The following ANKRD17 variants were observed in gnomAD, a reference collection of about 807,000 sequenced individuals.
ANKRD17 encodes the protein ankyrin repeat domain 17.
Under a neutral mutation model 229.7 loss-of-function variants are expected in ANKRD17, and 19 were observed. The ratio of observed to expected loss-of-function variants is 0.08; its 90% CI spans 0.06 to 0.12. ANKRD17 has a LOEUF of 0.12. Ranked by LOEUF, ANKRD17 falls within the 10% of genes least tolerant of loss-of-function variation. ANKRD17 has a pLI of 1.00. For missense variants in ANKRD17, 2,176 were observed against 3,176.8 expected (o/e 0.68, Z 7.57); for synonymous variants, 1,112 against 1,146.1 (o/e 0.97, Z 0.60).
intron 24 of ANKRD17, among the ~76,000 whole-genome samples, chr4:73,105,259 C>T (rs949607665): frequency 6.6e-6 from 1 of 151,656 alleles, no homozygotes; most frequent in African/African-American, 2.4e-5. Context: ...AGTTTGCAGG[C>T]GGTAGCTGAA....
chr4:73,231,191 T>C (rs1439122086), intron 1 of ANKRD17, among the ~76,000 whole-genome samples: 1 of 152,108 alleles, frequency 6.6e-6, no homozygotes, highest in Non-Finnish European at 1.5e-5. Context: ...GATAAAAATT[T>C]AAATTACAAG....
At chr4:73,235,517 G>C (rs1194777005) in intron 1 of ANKRD17, among the ~76,000 whole-genome samples, 1 of 152,138 alleles carries the variant, frequency 6.6e-6, no homozygotes, top group African/African-American at 2.4e-5. Context: ...AATAACATCT[G>C]TTCCCGCTTT....
intron 1 of ANKRD17, among the ~76,000 whole-genome samples, chr4:73,197,232 C>A (rs545305456): frequency 3.9e-5 from 6 of 152,156 alleles, no homozygotes; most frequent in Non-Finnish European, 7.4e-5. Flanking sequence ...TATATTCCTA[C>A]AGCCATATAG....
chr4:73,155,556 C>G, intron 5 of ANKRD17, 75 bp downstream of exon 5: 1 of 1,555,758 alleles, frequency 6.4e-7, no homozygotes, highest in Non-Finnish European at 8.8e-7. Flanking sequence ...TAGCACTAAA[C>G]ATCACTTTCA....
chr4:73,148,507 C>A (rs765800750), intron 8 of ANKRD17, among the ~76,000 whole-genome samples: 2 of 152,304 alleles, frequency 1.3e-5, no homozygotes, highest in Non-Finnish European at 2.9e-5. Context: ...TTCTCTTGAT[C>A]TATTACCTTT....
intron 2 of ANKRD17, among the ~76,000 whole-genome samples, chr4:73,166,042 TA>T (rs1414578977): frequency 6.6e-6 from 1 of 152,170 alleles, no homozygotes; most frequent in Non-Finnish European, 1.5e-5. Context: ...CACAGAAATT[TA>T]AGAGATAATA....
chr4:73,151,605 T>A, intron 6 of ANKRD17, 81 bp from the exon 7 acceptor site: 1 of 1,092,116 alleles, frequency 9.2e-7, no homozygotes, highest in Non-Finnish European at 1.3e-6. Flanking sequence ...TTTTGAAAAG[T>A]TATATTTAAC....
At chr4:73,093,785 C>T (rs1045056765) in intron 28 of ANKRD17, among the ~76,000 whole-genome samples, 2 of 152,124 alleles carry the variant, frequency 1.3e-5, no homozygotes, top group Non-Finnish European at 2.9e-5. Flanking sequence ...CTAAAAGTCT[C>T]AGAACAAATT....
At chr4:73,256,615 A>G (rs753482023) in intron 1 of ANKRD17, among the ~76,000 whole-genome samples, 13 of 152,218 alleles carry the variant, frequency 8.5e-5, no homozygotes, top group Admixed American at 1.3e-4. Context: ...CCTCCTTTTT[A>G]AAATAAAGGG....
At chr4:73,121,543 A>C (rs745309071) in intron 19 of ANKRD17, 74 bp downstream of exon 19, 1 of 1,572,848 alleles carries the variant, frequency 6.4e-7, no homozygotes, top group Admixed American at 1.7e-5. Flanking sequence ...TTTGGCACTA[A>C]AAAATAGGTG....
rs546879808 is a variant in ANKRD17 at position 73,107,768 on chromosome 4, G to C, written c.4402-5221C>G. 2.6e-5 allele frequency among the ~76,000 whole-genome samples: 4 copies of C among 152,222 alleles called. No individual in the cohort carries two copies. In the South Asian group the frequency reaches 8.3e-4, roughly 32 times the overall value. The stretch of plus-strand genomic sequence containing the variant: ...TGAGTTTCGGGGAACAGTATCAGGA[G>C]GCTTGATCACCTAAGGCCTTGCAGA... On this transcript the variant is annotated intron_variant, in intron 24 of 33. Coordinates refer to ENST00000358602, the MANE Select transcript of ANKRD17 (RefSeq NM_032217.5).
chr4:73,108,106 C>T (rs1323872253), intron 24 of ANKRD17, among the ~76,000 whole-genome samples: 2 of 152,138 alleles, frequency 1.3e-5, no homozygotes, highest in African/African-American at 2.4e-5. Flanking sequence ...AGGTGATCCT[C>T]CCACCTCCAC....
intron 1 of ANKRD17, among the ~76,000 whole-genome samples, chr4:73,191,886 T>C (rs1298259467): frequency 3.3e-5 from 5 of 152,106 alleles, no homozygotes; most frequent in African/African-American, 1.2e-4. Flanking sequence ...AAATTTAGTA[T>C]AAAAATACTT....
At chr4:73,105,646 C>T (rs926956518) in intron 24 of ANKRD17, among the ~76,000 whole-genome samples, 2 of 152,132 alleles carry the variant, frequency 1.3e-5, no homozygotes, top group African/African-American at 4.8e-5. Flanking sequence ...AAGGATTTGT[C>T]AGTTAAGATG....
intron 1 of ANKRD17, among the ~76,000 whole-genome samples, chr4:73,197,966 C>T (rs1560706071): frequency 6.6e-6 from 1 of 152,250 alleles, no homozygotes; most frequent in East Asian, 1.9e-4. Context: ...TCATTTGGTG[C>T]TACAAAACTT....
intron 1 of ANKRD17, among the ~76,000 whole-genome samples, chr4:73,219,120 T>G (rs1297864234): frequency 6.6e-6 from 1 of 152,170 alleles, no homozygotes; most frequent in Non-Finnish European, 1.5e-5. Context: ...CAAAACTTCT[T>G]GATGAATGGA....
At chr4:73,105,181 C>T (rs1724468492) in intron 24 of ANKRD17, among the ~76,000 whole-genome samples, 1 of 151,846 alleles carries the variant, frequency 6.6e-6, no homozygotes, top group Non-Finnish European at 1.5e-5. Flanking sequence ...TTACATGGCA[C>T]GGAGCTCTAA....
chr4:73,219,399 T>C (rs1480055306), intron 1 of ANKRD17, among the ~76,000 whole-genome samples: 2 of 152,180 alleles, frequency 1.3e-5, no homozygotes, highest in Non-Finnish European at 2.9e-5. Context: ...TTACCAAAAA[T>C]AATTTTTATG....
rs372237029 is a variant in ANKRD17 at position 73,150,802 on chromosome 4, C to G, written c.1329+628G>C. Among the ~76,000 whole-genome samples the G allele has an allele frequency of 6.6e-5, 10 of 152,108 alleles. No individual in the cohort carries two copies. The South Asian group carries it at 2.1e-3, about 32-fold the overall frequency. Reference sequence around the variant, plus strand: ...TCTGTGTCATAAATAAACAAAGATACAAAGGTTTAAGAGTACTGTTATGAG... The same window carrying G: ...TCTGTGTCATAAATAAACAAAGATAGAAAGGTTTAAGAGTACTGTTATGAG... On this transcript the variant is annotated intron_variant, in intron 7 of 33. Transcript: ENST00000358602.
Sources: allele counts gnomAD v4.1 joint callset (sites outside exome capture counted in the v4.1 genomes callset), GRCh38; gene constraint gnomAD v4.1.1; transcripts MANE v1.5; gene names NCBI Gene and HGNC (gene_info 2026-07-23, HGNC 2026-07-21).